Variants in CDH13 observed in about 807,000 individuals in gnomAD.
CDH13 encodes cadherin-13.
A neutral mutation model predicts 63.8 loss-of-function variants in CDH13; 24 were observed. That is an observed-to-expected ratio of 0.38 (90% CI 0.27 to 0.53). CDH13 has a LOEUF of 0.53. CDH13 is among the 20% of genes least tolerant of loss of function. CDH13 has a pLI of 0.85. For synonymous variants in CDH13, 503 were observed against 355.3 expected (o/e 1.42, Z -4.67); for missense variants, 1,049 against 903.1 (o/e 1.16, Z -2.07).
At chr16:83,222,456 A>C (rs1446220465) in intron 5 of CDH13, among the ~76,000 whole-genome samples, 2 of 152,222 alleles carry the variant, frequency 1.3e-5, no homozygotes, top group Non-Finnish European at 2.9e-5. Context: ...GTCAGTGCTT[A>C]TAAGACGATT....
At chr16:82,827,918 C>T (rs922215961) in intron 1 of CDH13, among the ~76,000 whole-genome samples, 10 of 152,106 alleles carry the variant, frequency 6.6e-5, no homozygotes, top group African/African-American at 2.4e-4. Flanking sequence ...AATACTCTAC[C>T]TTGCAAGGCA....
chr16:83,051,705 C>T (rs1195385035), intron 3 of CDH13, among the ~76,000 whole-genome samples: 2 of 152,216 alleles, frequency 1.3e-5, no homozygotes, highest in East Asian at 3.8e-4. Context: ...TGCTTATGGA[C>T]CACAGCAGCC....
chr16:82,743,047 G>A (rs1181768769), intron 1 of CDH13, among the ~76,000 whole-genome samples: 1 of 152,190 alleles, frequency 6.6e-6, no homozygotes, highest in Non-Finnish European at 1.5e-5. Context: ...TGTGTACAAT[G>A]TGAACAGAAT....
rs186849853 is a variant in CDH13 at position 83,125,013 on chromosome 16, G to A, written c.367-372G>A. Reference sequence around the variant, plus strand: ...TTATAAAACCAATTCTTTATTGGCTGTAAATCAAATAAAATTTTATATCTA... The same window carrying A: ...TTATAAAACCAATTCTTTATTGGCTATAAATCAAATAAAATTTTATATCTA... On this transcript the variant is annotated intron_variant, in intron 3 of 13. Coordinates refer to ENST00000567109, the MANE Select transcript of CDH13 (RefSeq NM_001257.5). Among the ~76,000 whole-genome samples, 299 of 152,252 alleles carry A rather than the reference G, an allele frequency of 2.0e-3. 2 individuals carry two copies. The highest frequency in any genetic ancestry group is 6.6e-3 in the African/African-American group (274 of 41,552).
At chr16:82,946,285 G>A (rs1904707436) in intron 2 of CDH13, among the ~76,000 whole-genome samples, 1 of 151,948 alleles carries the variant, frequency 6.6e-6, no homozygotes, top group Admixed American at 6.6e-5. Context: ...GTGGAAGGAT[G>A]GAATAATGGA....
intron 5 of CDH13, among the ~76,000 whole-genome samples, chr16:83,249,997 G>A (rs1277237230): frequency 6.6e-6 from 1 of 152,168 alleles, no homozygotes; most frequent in African/African-American, 2.4e-5. Context: ...CCAAGTAGTT[G>A]TTTCATTGCA....
At chr16:83,238,847 G>A (rs1904289109) in intron 5 of CDH13, among the ~76,000 whole-genome samples, 1 of 152,106 alleles carries the variant, frequency 6.6e-6, no homozygotes, top group Non-Finnish European at 1.5e-5. Context: ...AACTTTGTCT[G>A]GCATGGACAA....
chr16:83,456,395 G>T (rs1487107081), intron 6 of CDH13, among the ~76,000 whole-genome samples: 1 of 152,172 alleles, frequency 6.6e-6, no homozygotes, highest in Non-Finnish European at 1.5e-5. Flanking sequence ...CCCGGGCTTT[G>T]GAAAAATCCA....
chr16:83,191,927 C>A (rs2038728292), intron 4 of CDH13, among the ~76,000 whole-genome samples: 4 of 152,158 alleles, frequency 2.6e-5, no homozygotes, highest in East Asian at 3.9e-4. Flanking sequence ...TACTTTGCAT[C>A]CTTCAGTCCA....
intron 5 of CDH13, among the ~76,000 whole-genome samples, chr16:83,298,883 G>A (rs1351059953): frequency 6.6e-6 from 1 of 152,138 alleles, no homozygotes; most frequent in Non-Finnish European, 1.5e-5. Context: ...ATAGAGAAGT[G>A]TTATCTTTAG....
intron 1 of CDH13, among the ~76,000 whole-genome samples, chr16:82,797,057 T>C (rs907693077): frequency 6.6e-6 from 1 of 152,228 alleles, no homozygotes; most frequent in Non-Finnish European, 1.5e-5. Context: ...TATGTACTTG[T>C]CATGAGTTAT....
chr16:83,613,714 T>C (rs959068167), intron 8 of CDH13, among the ~76,000 whole-genome samples: 2 of 152,074 alleles, frequency 1.3e-5, no homozygotes, highest in East Asian at 3.9e-4. Context: ...CCACCTGTAG[T>C]CTCAGCTGCC....
intron 2 of CDH13, among the ~76,000 whole-genome samples, chr16:82,938,142 T>A (rs916778795): frequency 6.6e-6 from 1 of 152,208 alleles, no homozygotes; most frequent in Non-Finnish European, 1.5e-5. Context: ...GAAGAATGTA[T>A]CTTAAGAGCC....
intron 5 of CDH13, among the ~76,000 whole-genome samples, chr16:83,326,456 G>C (rs1052658886): frequency 6.7e-5 from 10 of 148,548 alleles, no homozygotes; most frequent in African/African-American, 2.5e-4. Flanking sequence ...TTTTGAATGA[G>C]AATATTCCTC....
Position 83,751,687 on chromosome 16 carries a change from A to G in CDH13, c.1681+3437A>G, listed in dbSNP as rs146311630. ...GGGTCAGAGTCTGCGCAAGCATAACATAAACGGACCAGAGGGGAAGAACCT... is the reference window on the plus strand; with the variant it reads ...GGGTCAGAGTCTGCGCAAGCATAACGTAAACGGACCAGAGGGGAAGAACCT... On this transcript the variant is annotated intron_variant, in intron 11 of 13. Transcript: ENST00000567109. 7.0e-3 allele frequency among the ~76,000 whole-genome samples: 1,063 copies of G among 152,362 alleles called. 8 individuals carry two copies. Among genetic ancestry groups the G allele is most frequent in the African/African-American group, 0.024 (1,014 of 41,584 alleles).
chr16:83,280,965 G>T (rs776578275), intron 5 of CDH13, among the ~76,000 whole-genome samples: 3 of 152,168 alleles, frequency 2.0e-5, no homozygotes, highest in Non-Finnish European at 2.9e-5. Context: ...TCCAGATTTT[G>T]TTATTCCATT....
At chr16:82,974,637 G>T (rs1173422303) in intron 2 of CDH13, among the ~76,000 whole-genome samples, 1 of 152,094 alleles carries the variant, frequency 6.6e-6, no homozygotes, top group Non-Finnish European at 1.5e-5. Flanking sequence ...ATGTAAGTGG[G>T]CCCAGTATAA....
intron 6 of CDH13, among the ~76,000 whole-genome samples, chr16:83,416,399 C>T (rs1481175913): frequency 6.6e-6 from 1 of 152,192 alleles, no homozygotes; most frequent in Non-Finnish European, 1.5e-5. Context: ...GGAGCTTCTT[C>T]CTTCTTTTTG....
chr16:82,787,280 T>G (rs961914520), intron 1 of CDH13, among the ~76,000 whole-genome samples: 2 of 152,200 alleles, frequency 1.3e-5, no homozygotes, highest in Non-Finnish European at 2.9e-5. Context: ...ATGGCCAATC[T>G]ACTGGTTTGT....
Sources: allele counts gnomAD v4.1 joint callset (sites outside exome capture counted in the v4.1 genomes callset), GRCh38; gene constraint gnomAD v4.1.1; transcripts MANE v1.5; gene names NCBI Gene and HGNC (gene_info 2026-07-23, HGNC 2026-07-21).